The following SCO1 variants were observed in gnomAD, a reference collection of about 807,000 sequenced individuals.
The protein encoded by SCO1 is synthesis of cytochrome C oxidase 1, also known as cytochrome c oxidase assembly factor SCO1.
In SCO1, 23 loss-of-function variants were observed where a neutral mutation model predicts 34.0. The ratio of observed to expected loss-of-function variants is 0.68; its 90% CI spans 0.49 to 0.96. The LOEUF (loss-of-function observed/expected upper bound fraction) is 0.96, where lower values mean the gene tolerates loss of function less well. SCO1 is among the 40% of genes least tolerant of loss of function. SCO1 has a pLI of 0.00. For missense variants in SCO1, 404 were observed against 381.6 expected (o/e 1.06, Z -0.49); for synonymous variants, 161 against 145.5 (o/e 1.11, Z -0.77).
In SCO1 at chr17:10,686,860, G is replaced by T; in HGVS notation, c.656-18C>A. 1 of 1,528,508 alleles carries T rather than the reference G, an allele frequency of 6.5e-7. No individual in the cohort carries two copies. Among genetic ancestry groups the T allele is most frequent in the Non-Finnish European group, 9.1e-7 (1 of 1,101,972 alleles). The allele number at this position is 1,528,508 out of a possible 1,614,324, so 94.7% of individuals were successfully genotyped here. ...AGAAAATTCTAAATAAAAAATGAGA[G>T]AGACAGTGAAAAATGAGAAGCCAGT... is the stretch of plus-strand genomic sequence containing the variant. On this transcript the variant is annotated intron_variant, in intron 4 of 5. Coordinates refer to ENST00000255390, the MANE Select transcript of SCO1 (RefSeq NM_004589.4).
Position 10,680,487 on chromosome 17 carries a change from T to TA in SCO1, c.*631dup, listed in dbSNP as rs1353019794. 1.9e-5 allele frequency: 3 copies of TA among 155,874 alleles called. No individual in the cohort carries two copies. Among genetic ancestry groups the TA allele is most frequent in the African/African-American group, 7.2e-5 (3 of 41,566 alleles). The allele number at this position is 155,874 out of a possible 1,614,324, so 9.7% of individuals were successfully genotyped here. A position where few individuals can be genotyped will look rare whatever the true frequency, so the allele number is the denominator to read the frequency against. ...GCACACCACTTAGCTAAAAATCACA[T>TA]AAAAGAACCCCTAGAGAAATCAAAC... On this transcript the variant is annotated 3_prime_UTR_variant, in exon 6 of 6. Transcript: ENST00000255390.
chr17:10,697,137 G>C lies in SCO1; in HGVS notation c.273+98C>G, dbSNP rs181751368. 20 of 1,172,460 alleles carry C rather than the reference G, an allele frequency of 1.7e-5. No individual in the cohort carries two copies. The Admixed American group carries it at 4.3e-4, about 25-fold the overall frequency. The allele number at this position is 1,172,460 out of a possible 1,614,324, so 72.6% of individuals were successfully genotyped here. ...GCAAGCTAAGGACAACTTTAGGGGA[G>C]GCGGAGTAGTGTCTGAGGTTACGAC... On this transcript the variant is annotated intron_variant, in intron 1 of 5. Transcript: ENST00000255390.
chr17:10,680,926 A>C lies in SCO1; in HGVS notation c.*193T>G, dbSNP rs1309868743. ...GCTTCCTGGGAGACTTTGGGTTGTA[A>C]TCTTTACAGTTCCAAGAATCAATTT... On this transcript the variant is annotated 3_prime_UTR_variant, in exon 6 of 6. Coordinates refer to ENST00000255390, the MANE Select transcript of SCO1 (RefSeq NM_004589.4). 1.5e-6 allele frequency: 1 copy of C among 671,330 alleles called. No individual in the cohort carries two copies. Among genetic ancestry groups the C allele is most frequent in the Admixed American group, 2.4e-5 (1 of 40,952 alleles). 41.6% of individuals were successfully genotyped at this position (671,330 alleles called of 1,614,324 possible).
At chr17:10,697,096 G>A in intron 1 of SCO1, 139 bp downstream of exon 1, 3 of 796,992 alleles carry the variant, frequency 3.8e-6, no homozygotes, top group East Asian at 2.7e-5. Context: ...GAAATTCCAT[G>A]ACCCAGGTAA....
In SCO1 at chr17:10,697,233, AC is replaced by A. The variant is rs1249653095; in HGVS notation, c.273+1del. 2 of 1,549,254 alleles carry A rather than the reference AC, an allele frequency of 1.3e-6. No homozygotes were observed. Among genetic ancestry groups the A allele is most frequent in the East Asian group, 2.4e-5 (1 of 42,488 alleles). On this transcript the variant is annotated splice_donor_variant, in intron 1 of 5. Coordinates refer to ENST00000255390, the MANE Select transcript of SCO1 (RefSeq NM_004589.4). LOFTEE classifies it high-confidence loss of function. Reference sequence around the variant, plus strand: ...CCAGAAGGGTTCCAGGTGTGCACTCACCCCGGGCTTCGAGGGGCGCGTGGAG... The same window carrying A: ...CCAGAAGGGTTCCAGGTGTGCACTCACCCGGGCTTCGAGGGGCGCGTGGAG...
intron 1 of SCO1, 68 bp from the exon 2 acceptor site, chr17:10,695,899 T>C (rs1000391063): frequency 8.4e-7 from 1 of 1,196,680 alleles, no homozygotes; most frequent in East Asian, 2.3e-5. Flanking sequence ...TACAAACTTA[T>C]TAAAGTAGTT....
Position 10,681,175 on chromosome 17 carries a change from C to T in SCO1, c.850G>A (p.Gly284Arg), listed in dbSNP as rs752737918. Reference sequence around the variant, plus strand: ...GTGGCAATTGAAGCAGCTATTTCTCCCTTCCTCTTGTTCTGGCCAAAATAA... The same window carrying T: ...GTGGCAATTGAAGCAGCTATTTCTCTCTTCCTCTTGTTCTGGCCAAAATAA... ...LDYFGQNKRK[G>R]EIAASIATHM... Residue 284 changes from glycine to arginine, a missense_variant, in exon 6 of 6, where the codon GGA becomes AGA. By Grantham distance (125) the Gly-to-Arg change is moderately radical. Coordinates refer to ENST00000255390, the MANE Select transcript of SCO1 (RefSeq NM_004589.4). The T allele has an allele frequency of 7.4e-6, 12 of 1,614,176 alleles. No homozygotes were observed. Among genetic ancestry groups the T allele is most frequent in the Non-Finnish European group, 1.0e-5 (12 of 1,180,034 alleles).
intron 5 of SCO1, among the ~76,000 whole-genome samples, chr17:10,685,255 T>G (rs1206274458): frequency 6.6e-6 from 1 of 152,202 alleles, no homozygotes; most frequent in Non-Finnish European, 1.5e-5. Context: ...CAAAGACAGC[T>G]TCACAGCTAG....
rs948151575 is a variant in SCO1 at position 10,675,651 on chromosome 17, G to A, written c.*5468C>T. 2 of 152,048 alleles carry A rather than the reference G, an allele frequency of 1.3e-5. No homozygotes were observed. The highest frequency in any genetic ancestry group is 4.8e-5 in the African/African-American group (2 of 41,398). The allele number at this position is 152,048 out of a possible 1,614,324, so 9.4% of individuals were successfully genotyped here. On this transcript the variant is annotated 3_prime_UTR_variant, in exon 6 of 6. Transcript: ENST00000255390. ...TCCTGCCAGAGTTAAGCACTATTCT[G>A]ACTTTTAACACGATGGGTTAGTTTT...
At position 10,679,860 on chromosome 17, in the gene SCO1, T is replaced by C; in HGVS notation, c.*1259A>G. 7.5e-6 allele frequency: 1 copy of C among 133,978 alleles called. No homozygotes were observed. The highest frequency in any genetic ancestry group is 1.6e-5 in the Non-Finnish European group (1 of 64,216). 8.3% of individuals were successfully genotyped at this position (133,978 alleles called of 1,614,324 possible). ...GTGTGATTATAGCTCACTGAAGCCT[T>C]GAATTCCTGGGCTCAAGTGATACTC... On this transcript the variant is annotated 3_prime_UTR_variant, in exon 6 of 6. Transcript: ENST00000255390.
rs772141232 is a variant in SCO1, at chr17:10,676,967, C to T, written c.*4152G>A. On this transcript the variant is annotated 3_prime_UTR_variant, in exon 6 of 6. Transcript: ENST00000255390. ...AATCTTGTTAATGAATAGAAATAACCGTCCATTTTGTTACACAGTAATATA... is the reference window on the plus strand; with the variant it reads ...AATCTTGTTAATGAATAGAAATAACTGTCCATTTTGTTACACAGTAATATA... The T allele has an allele frequency of 5.3e-5, 8 of 152,126 alleles. No homozygotes were observed. Among genetic ancestry groups the T allele is most frequent in the Non-Finnish European group, 8.8e-5 (6 of 68,022 alleles). 9.4% of individuals were successfully genotyped at this position (152,126 alleles called of 1,614,324 possible).
intron 4 of SCO1, among the ~76,000 whole-genome samples, chr17:10,691,605 C>T (rs115621987): frequency 1.3e-5 from 2 of 152,136 alleles, no homozygotes; most frequent in Non-Finnish European, 2.9e-5. Context: ...ATTCAAGGCT[C>T]GATTAACTTA....
At chr17:10,695,597 G>C in intron 2 of SCO1, 144 bp downstream of exon 2, 1 of 619,660 alleles carries the variant, frequency 1.6e-6, no homozygotes, top group Non-Finnish European at 2.9e-6. Context: ...TGGGTGAAAG[G>C]TATGTAGAAC....
intron 3 of SCO1, 65 bp downstream of exon 3, chr17:10,692,699 G>A (rs1013403827): frequency 1.6e-6 from 2 of 1,278,134 alleles, no homozygotes; most frequent in East Asian, 2.3e-5. Context: ...ATAATACAAG[G>A]GTGTGAAAAA....
rs2151447751 is a variant in SCO1 at position 10,675,053 on chromosome 17, T to C, written c.*6066A>G. The C allele has an allele frequency of 1.3e-5, 2 of 152,236 alleles. 1 individual carries two copies. Among genetic ancestry groups the C allele is most frequent in the African/African-American group, 4.8e-5 (2 of 41,530 alleles). The allele number at this position is 152,236 out of a possible 1,614,324, so 9.4% of individuals were successfully genotyped here. A position where few individuals can be genotyped will look rare whatever the true frequency, so the allele number is the denominator to read the frequency against. On this transcript the variant is annotated 3_prime_UTR_variant, in exon 6 of 6. Coordinates refer to ENST00000255390, the MANE Select transcript of SCO1 (RefSeq NM_004589.4). ...TGTCAGGGTCCCAGGGCCCTAGAAG[T>C]CTCTAAAAGCCACTGAGCAAACTTC...
At chr17:10,682,864 T>A (rs1029822086) in intron 5 of SCO1, among the ~76,000 whole-genome samples, 1 of 152,182 alleles carries the variant, frequency 6.6e-6, no homozygotes, top group Non-Finnish European at 1.5e-5. Flanking sequence ...TATCACAGGC[T>A]GGAGAGAGTA....
intron 4 of SCO1, among the ~76,000 whole-genome samples, chr17:10,687,514 C>T (rs976793621): frequency 6.6e-6 from 1 of 152,172 alleles, no homozygotes; most frequent in Non-Finnish European, 1.5e-5. Context: ...CATTTAACAG[C>T]AGTTCCTTTT....
At chr17:10,696,305 C>T (rs935968157) in intron 1 of SCO1, among the ~76,000 whole-genome samples, 1 of 151,886 alleles carries the variant, frequency 6.6e-6, no homozygotes, top group South Asian at 2.1e-4. Context: ...ATTAGCCGGG[C>T]GTGGTAGCGG....
intron 1 of SCO1, 67 bp from the exon 2 acceptor site, chr17:10,695,898 A>G: frequency 8.3e-7 from 1 of 1,208,524 alleles, no homozygotes; most frequent in South Asian, 1.2e-5. Context: ...ATACAAACTT[A>G]TTAAAGTAGT....
Sources: allele counts gnomAD v4.1 joint callset (sites outside exome capture counted in the v4.1 genomes callset), GRCh38; gene constraint gnomAD v4.1.1; transcripts MANE v1.5; gene names NCBI Gene and HGNC (gene_info 2026-07-23, HGNC 2026-07-21).